Variants in ANKRD11 observed in about 807,000 individuals in gnomAD.
The protein encoded by ANKRD11 is ankyrin repeat domain 11.
ANKRD11 carries 17 observed loss-of-function variants against 195.7 expected under a neutral mutation model. That is an observed-to-expected ratio of 0.09 (90% confidence interval 0.06 to 0.13). The LOEUF (loss-of-function observed/expected upper bound fraction) is 0.13. ANKRD11 is among the 10% of genes least tolerant of loss of function. ANKRD11 has a pLI of 1.00. For synonymous variants in ANKRD11, 1,953 were observed against 1,528.1 expected (o/e 1.28, Z -6.49); for missense variants, 3,735 against 3,566.1 (o/e 1.05, Z -1.21).
intron 11 of ANKRD11, chr16:89,273,068 T>C (rs1006917118): frequency 1.5e-5 from 2 of 129,994 alleles, no homozygotes; most frequent in South Asian, 2.6e-4. Flanking sequence ...AAAAAAAGAA[T>C]GGATAAGACC....
chr16:89,386,581 G>A lies in ANKRD11; in HGVS notation c.-60+31703C>T, dbSNP rs555053713. 3.2e-4 allele frequency among the ~76,000 whole-genome samples: 49 copies of A among 152,344 alleles called. 1 individual carries two copies. The highest frequency in any genetic ancestry group is 2.1e-3 in the South Asian group (10 of 4,824). ...CGACCTTGCATCCTGCAAGATGCCCGCGGGGAGGAGTGTATCCAAAAGCAC... is the reference window on the plus strand; with the variant it reads ...CGACCTTGCATCCTGCAAGATGCCCACGGGGAGGAGTGTATCCAAAAGCAC... On this transcript the variant is annotated intron_variant, in intron 2 of 12. Transcript: ENST00000301030.
intron 4 of ANKRD11, among the ~76,000 whole-genome samples, chr16:89,303,576 G>T (rs958161315): frequency 5.3e-5 from 8 of 152,184 alleles, no homozygotes; most frequent in Non-Finnish European, 1.0e-4. Context: ...CCTGTCCCCA[G>T]ATGTGCTGGC....
At chr16:89,342,416 A>G (rs1373160586) in intron 2 of ANKRD11, among the ~76,000 whole-genome samples, 3 of 152,260 alleles carry the variant, frequency 2.0e-5, no homozygotes, top group Non-Finnish European at 4.4e-5. Flanking sequence ...TCGGTCCAGG[A>G]TAAACCAGCA....
intron 2 of ANKRD11, chr16:89,323,127 G>A (rs1256772432): frequency 1.5e-5 from 5 of 344,762 alleles, no homozygotes; most frequent in Middle Eastern, 7.7e-4. Flanking sequence ...TGTGCGCTCC[G>A]TGGAAAGGGA....
rs375484982 is a variant in ANKRD11 at position 89,280,307 on chromosome 16, C to T, written c.6235G>A (p.Val2079Met). 4.1e-5 allele frequency: 65 copies of T among 1,593,174 alleles called. No homozygotes were observed. Among genetic ancestry groups the T allele is most frequent in the Non-Finnish European group, 5.4e-5 (63 of 1,169,824 alleles). ...CKSLPEAPLD[V>M]APEPACVAAV... is the part of the protein sequence containing the mutation. ...GCTACACAGGCGGGCTCGGGGGCCACGTCCAGCGGGGCTTCCGGAAGTGAC... is the reference window on the plus strand; with the variant it reads ...GCTACACAGGCGGGCTCGGGGGCCATGTCCAGCGGGGCTTCCGGAAGTGAC... The change falls in exon 9 of 13, where the codon GTG (valine) becomes ATG (methionine). Residue 2079 changes from valine (V) to methionine (M), a missense_variant. By Grantham distance (21) the Val-to-Met change is conservative. Coordinates refer to ENST00000301030, the MANE Select transcript of ANKRD11 (RefSeq NM_013275.6).
intron 2 of ANKRD11, among the ~76,000 whole-genome samples, chr16:89,350,488 G>A (rs1036976523): frequency 6.6e-6 from 1 of 152,110 alleles, no homozygotes; most frequent in African/African-American, 2.4e-5. Context: ...GTAAACTACT[G>A]ACATACACCA....
intron 1 of ANKRD11, among the ~76,000 whole-genome samples, chr16:89,489,623 C>T (rs1012128882): frequency 2.0e-5 from 3 of 152,014 alleles, no homozygotes; most frequent in African/African-American, 4.8e-5. Flanking sequence ...GGCGAAGGCG[C>T]CCCTCTCGCG....
At position 89,281,331 on chromosome 16, in the gene ANKRD11, G is replaced by C. The variant is rs373155396; in HGVS notation, c.5211C>G (p.Phe1737Leu). Residue 1737 changes from phenylalanine to leucine, a missense_variant, in exon 9 of 13, where the codon TTC (phenylalanine) becomes TTG (leucine). Transcript: ENST00000301030. The surrounding 1 kb of genome is among the most constrained non-coding windows in gnomAD (Gnocchi z 5.5). ...CSADDYADLV[F>L]DCADSQHSTP... Reference sequence around the variant, plus strand: ...TGGAGTGCTGCGAGTCGGCGCAGTCGAACACGAGGTCCGCGTAGTCATCGG... The same window carrying C: ...TGGAGTGCTGCGAGTCGGCGCAGTCCAACACGAGGTCCGCGTAGTCATCGG... The C allele has an allele frequency of 3.7e-6, 6 of 1,613,552 alleles. No homozygotes were observed. The highest frequency in any genetic ancestry group is 2.2e-5 in the South Asian group (2 of 91,054).
At position 89,490,499 on chromosome 16, in the gene ANKRD11, C is replaced by A. The variant is rs968360602; in HGVS notation, c.-399G>T. ...CTGATGGGGCGTCTGGCCGCGGGCTCGGCGGCGGCGCCTCCCCGGCTGGGG... is the reference window on the plus strand; with the variant it reads ...CTGATGGGGCGTCTGGCCGCGGGCTAGGCGGCGGCGCCTCCCCGGCTGGGG... On this transcript the variant is annotated 5_prime_UTR_variant, in exon 1 of 13. Coordinates refer to ENST00000301030, the MANE Select transcript of ANKRD11 (RefSeq NM_013275.6). The A allele has an allele frequency of 8.6e-6, 4 of 464,156 alleles. No homozygotes were observed. The highest frequency in any genetic ancestry group is 6.1e-5 in the African/African-American group (3 of 48,986). The allele number at this position is 464,156 out of a possible 1,614,324, so 28.8% of individuals were successfully genotyped here. A position where few individuals can be genotyped will look rare whatever the true frequency, so the allele number is the denominator to read the frequency against.
At chr16:89,351,605 T>C (rs1039273189) in intron 2 of ANKRD11, among the ~76,000 whole-genome samples, 1 of 152,210 alleles carries the variant, frequency 6.6e-6, no homozygotes, top group Non-Finnish European at 1.5e-5. Flanking sequence ...GTGTTTGGCA[T>C]TGAGGCAATG....
chr16:89,358,470 C>A (rs1284742216), intron 2 of ANKRD11, among the ~76,000 whole-genome samples: 1 of 152,174 alleles, frequency 6.6e-6, no homozygotes, highest in Admixed American at 6.5e-5. Flanking sequence ...GGATTGTTTA[C>A]AACACAAAGG....
Position 89,291,625 on chromosome 16 carries a change from G to A in ANKRD11, c.227-442C>T. 3 of 1,216,008 alleles carry A rather than the reference G, an allele frequency of 2.5e-6. No individual in the cohort carries two copies. The highest frequency in any genetic ancestry group is 3.3e-6 in the Non-Finnish European group (3 of 920,894). 75.3% of individuals were successfully genotyped at this position (1,216,008 alleles called of 1,614,324 possible). A position where few individuals can be genotyped will look rare whatever the true frequency, so the allele number is the denominator to read the frequency against. Reference sequence around the variant, plus strand: ...CCTCCAAACAGTGCAGATATAAAATGGCAGACACAGTTTAAAACACATCAG... The same window carrying A: ...CCTCCAAACAGTGCAGATATAAAATAGCAGACACAGTTTAAAACACATCAG... On this transcript the variant is annotated intron_variant, in intron 4 of 12. Transcript: ENST00000301030. The surrounding 1 kb of genome is among the most constrained non-coding windows in gnomAD (Gnocchi z 5.3).
intron 1 of ANKRD11, among the ~76,000 whole-genome samples, chr16:89,431,806 T>C (rs1202219534): frequency 6.6e-6 from 1 of 152,100 alleles, no homozygotes; most frequent in Non-Finnish European, 1.5e-5. Context: ...AGAGACAATG[T>C]TCCCACCTTA....
At chr16:89,331,315 T>C (rs953047647) in intron 2 of ANKRD11, among the ~76,000 whole-genome samples, 1 of 152,212 alleles carries the variant, frequency 6.6e-6, no homozygotes, top group Non-Finnish European at 1.5e-5. Context: ...ATGAGGCTAA[T>C]AGAAAATTTA....
chr16:89,288,375 A>G (rs879695342), intron 7 of ANKRD11, 153 bp downstream of exon 7: 119 of 1,235,758 alleles, frequency 9.6e-5, no homozygotes, highest in Non-Finnish European at 1.3e-4. Flanking sequence ...GGGGGCAGAC[A>G]GAGGGCACAG....
At chr16:89,464,014 G>A (rs1195550750) in intron 1 of ANKRD11, among the ~76,000 whole-genome samples, 11 of 152,130 alleles carry the variant, frequency 7.2e-5, no homozygotes, top group African/African-American at 2.4e-4. Context: ...TGAGGTGGGC[G>A]GATCACTTGA....
intron 1 of ANKRD11, among the ~76,000 whole-genome samples, chr16:89,479,416 T>C (rs1236928555): frequency 6.7e-6 from 1 of 149,046 alleles, no homozygotes; most frequent in South Asian, 2.1e-4. Flanking sequence ...GCGGATCATC[T>C]GAGGTCGGGA....
chr16:89,317,476 C>T (rs72803335), intron 2 of ANKRD11, among the ~76,000 whole-genome samples: 3,126 of 152,322 alleles, frequency 0.021, 43 homozygotes, highest in Non-Finnish European at 0.035. Context: ...GGTCACAACA[C>T]GCAGCGCAGT....
At chr16:89,441,704 A>T (rs549256193) in intron 1 of ANKRD11, among the ~76,000 whole-genome samples, 1 of 133,754 alleles carries the variant, frequency 7.5e-6, no homozygotes, top group Non-Finnish European at 1.6e-5. Context: ...GAGGCGGACT[A>T]TGCAGTGAGC....
Sources: allele counts gnomAD v4.1 joint callset (sites outside exome capture counted in the v4.1 genomes callset), GRCh38; gene constraint gnomAD v4.1.1; non-coding constraint Gnocchi (gnomAD v3.1); transcripts MANE v1.5; gene names NCBI Gene and HGNC (gene_info 2026-07-23, HGNC 2026-07-21).